Variants in WRAP53 observed in about 807,000 individuals in gnomAD.
The protein encoded by WRAP53 is telomerase Cajal body protein 1.
In WRAP53, 28 loss-of-function variants were observed where a neutral mutation model predicts 56.6. That is an observed-to-expected ratio of 0.50 (90% CI 0.37 to 0.68). The LOEUF is 0.68. Ranked by LOEUF, WRAP53 falls within the 30% of genes least tolerant of loss-of-function variation. The pLI is 0.00. For synonymous variants in WRAP53, 283 were observed against 283.4 expected (o/e 1.00, Z 0.01); for missense variants, 671 against 715.5 (o/e 0.94, Z 0.71).
At chr17:7,699,876 A>G (rs1026561441) in intron 4 of WRAP53, among the ~76,000 whole-genome samples, 3 of 151,326 alleles carry the variant, frequency 2.0e-5, no homozygotes, top group African/African-American at 7.3e-5. Flanking sequence ...CTGGGACTAC[A>G]GGCATGCACT....
At position 7,702,645 on chromosome 17, in the gene WRAP53, G is replaced by A; in HGVS notation, c.1164+93G>A. The A allele has an allele frequency of 6.3e-7, 1 of 1,596,764 alleles. No homozygotes were observed. The highest frequency in any genetic ancestry group is 8.5e-7 in the Non-Finnish European group (1 of 1,174,606). ...GTGTAGGGGAATGGGTGGGGATGGG[G>A]AAAAAATCCCAAGCTGAAGGAGTGC... On this transcript the variant is annotated intron_variant, in intron 8 of 10. Transcript: ENST00000396463. The surrounding 1 kb of genome is among the most constrained non-coding windows in gnomAD (Gnocchi z 5.0).
intron 4 of WRAP53, among the ~76,000 whole-genome samples, chr17:7,697,515 C>T (rs950811692): frequency 1.7e-4 from 26 of 151,842 alleles, no homozygotes; most frequent in African/African-American, 5.6e-4. Context: ...AAAAATTAGC[C>T]GGGCGTGGTG....
chr17:7,688,417 G>A, upstream of WRAP53: 1 of 574,082 alleles, frequency 1.7e-6, no homozygotes, highest in Non-Finnish European at 3.1e-6. Flanking sequence ...CCAATCGGAA[G>A]GTGGACCGAA....
intron 4 of WRAP53, among the ~76,000 whole-genome samples, chr17:7,695,187 C>T (rs2074166202): frequency 6.6e-6 from 1 of 151,978 alleles, no homozygotes; most frequent in African/African-American, 2.4e-5. Context: ...GATCTCCTGA[C>T]CTCGTGATCC....
chr17:7,699,522 TTATATATATA>T (rs1203888377), intron 4 of WRAP53, among the ~76,000 whole-genome samples: 1 of 14,110 alleles, frequency 7.1e-5, no homozygotes, highest in Non-Finnish European at 1.2e-4. Flanking sequence ...ATATATATAT[TTATATATATA>T]TATATATTCC....
At chr17:7,697,864 T>A (rs1418770332) in intron 4 of WRAP53, among the ~76,000 whole-genome samples, 4 of 136,718 alleles carry the variant, frequency 2.9e-5, no homozygotes, top group African/African-American at 1.3e-4. Context: ...TAAAGAACAA[T>A]AGACACTTTT....
chr17:7,702,019 T>G lies in WRAP53; in HGVS notation c.955+230T>G. The G allele has an allele frequency of 1.3e-6, 1 of 763,102 alleles. No individual in the cohort carries two copies. The highest frequency in any genetic ancestry group is 2.7e-5 in the East Asian group (1 of 37,410). 47.3% of individuals were successfully genotyped at this position (763,102 alleles called of 1,614,324 possible). A position where few individuals can be genotyped will look rare whatever the true frequency, so the allele number is the denominator to read the frequency against. ...CTGCTTCCTTCCTGAACTCATACCC[T>G]GTCAGCTGTGGAGCTTTTGGTCTCT... On this transcript the variant is annotated intron_variant, in intron 7 of 10. Transcript: ENST00000396463. This position sits in a 1 kb window ranked among gnomAD's most constrained non-coding sequence, Gnocchi z 5.0.
At chr17:7,691,123 C>T (rs1194345941) in intron 4 of WRAP53, among the ~76,000 whole-genome samples, 2 of 151,772 alleles carry the variant, frequency 1.3e-5, no homozygotes, top group Admixed American at 6.6e-5. Context: ...GCAGAAGAAT[C>T]ATTTGAACCC....
chr17:7,690,908 T>C (rs2074098703), intron 4 of WRAP53, among the ~76,000 whole-genome samples: 1 of 150,828 alleles, frequency 6.6e-6, no homozygotes, highest in East Asian at 2.0e-4. Flanking sequence ...TGAGACTCCA[T>C]CTCAAAAAAC....
intron 4 of WRAP53, among the ~76,000 whole-genome samples, chr17:7,691,951 C>T (rs1189319019): frequency 6.6e-6 from 1 of 152,094 alleles, no homozygotes; most frequent in African/African-American, 2.4e-5. Context: ...ATTCTCCTGC[C>T]TCAACCTTCC....
At chr17:7,698,158 A>G (rs1567576333) in intron 4 of WRAP53, among the ~76,000 whole-genome samples, 1 of 152,218 alleles carries the variant, frequency 6.6e-6, no homozygotes, top group Admixed American at 6.5e-5. Context: ...ACATTATAGT[A>G]TCTTACAAAG....
chr17:7,687,287 C>G (rs917317788), upstream of WRAP53: 17 of 398,494 alleles, frequency 4.3e-5, no homozygotes, highest in Middle Eastern at 6.2e-4. Flanking sequence ...TGCCCCACCC[C>G]CAGCCCCAGC....
At chr17:7,687,409 AG>A (rs1386178070), upstream of WRAP53, 4 of 398,532 alleles carry the variant, frequency 1.0e-5, no homozygotes, top group Admixed American at 1.8e-4. Context: ...CGTCGTGGAA[AG>A]CACGCTCCCA....
At position 7,703,403 on chromosome 17, in the gene WRAP53, G is replaced by T. The variant is rs769202794; in HGVS notation, c.1564G>T (p.Ala522Ser). 2.5e-6 allele frequency: 4 copies of T among 1,611,918 alleles called. No individual in the cohort carries two copies. The highest frequency in any genetic ancestry group is 2.2e-5 in the East Asian group (1 of 44,626). The change falls in exon 11 of 11, where the codon GCG (alanine) becomes TCG (serine). Residue 522 changes from alanine to serine, a missense_variant. Transcript: ENST00000396463. Reference protein sequence around the residue: ...CRLQLWWCGGAPDSSIPDDHQ... With the variant: ...CRLQLWWCGGSPDSSIPDDHQ... ...GCTTCAGCTCTGGTGGTGTGGGGGG[G>T]CGCCAGACTCCAGCATCCCTGATGA...
intron 4 of WRAP53, among the ~76,000 whole-genome samples, chr17:7,699,502 T>TATATATTTATA (rs1567577549): frequency 8.5e-5 from 1 of 11,762 alleles, no homozygotes; most frequent in Non-Finnish European, 1.3e-4. Flanking sequence ...ATATATATAT[T>TATATATTTATA]TATATATATA....
Position 7,689,002 on chromosome 17 carries a change from G to C in WRAP53, c.354G>C (p.Ala118=). 1.9e-6 allele frequency: 3 copies of C among 1,614,126 alleles called. No individual in the cohort carries two copies. The highest frequency in any genetic ancestry group is 2.5e-6 in the Non-Finnish European group (3 of 1,180,028). ...EANGSLSEEE[A]NGPELGSGKA... ...ACGGGAGCCTTTCTGAAGAAGAAGC[G>C]AACGGGCCAGAGTTGGGGTCTGGAA... is the stretch of plus-strand genomic sequence containing the variant. Residue 118 remains alanine (A), a synonymous_variant, in exon 2 of 11, where the codon GCG becomes GCC. Transcript: ENST00000396463.
At position 7,703,005 on chromosome 17, in the gene WRAP53, C is replaced by G. The variant is rs761911830; in HGVS notation, c.1281C>G (p.Phe427Leu). Reference sequence around the variant, plus strand: ...CTCTCTCTCGCAGGACCGGGCAGTTCCTAGTGAGTGGCAGCACGAGCGGGG... The same window carrying G: ...CTCTCTCTCGCAGGACCGGGCAGTTGCTAGTGAGTGGCAGCACGAGCGGGG... The part of the protein sequence containing the change: ...IYFDLDPTGQ[F>L]LVSGSTSGAV... Residue 427 changes from phenylalanine to leucine, a missense_variant, in exon 10 of 11, where the codon TTC (phenylalanine) becomes TTG (leucine). Phe to Leu is a conservative substitution (Grantham distance 22). Around this residue, in one of 3 missense-constraint regions of WRAP53, gnomAD observed 158 missense variants for 215.7 expected, o/e 0.73. Transcript: ENST00000396463. The G allele has an allele frequency of 1.2e-6, 2 of 1,613,976 alleles. No individual in the cohort carries two copies.
chr17:7,695,219 TG>T (rs1448081160), intron 4 of WRAP53, among the ~76,000 whole-genome samples: 1 of 152,156 alleles, frequency 6.6e-6, no homozygotes, highest in Non-Finnish European at 1.5e-5. Flanking sequence ...CCTCTCAAAG[TG>T]CTGGGATTAC....
Position 7,701,495 on chromosome 17 carries a change from C to G in WRAP53, c.768C>G (p.Ile256Met), listed in dbSNP as rs1409807134. Residue 256 changes from isoleucine to methionine, a missense_variant, in exon 6 of 11, where the codon ATC becomes ATG. Ile to Met is a conservative substitution (Grantham distance 10). Around this residue, in one of 3 missense-constraint regions of WRAP53, gnomAD observed 406 missense variants for 418.5 expected, o/e 0.97. Coordinates refer to ENST00000396463, the MANE Select transcript of WRAP53 (RefSeq NM_001143992.2). The surrounding 1 kb of genome is among the most constrained non-coding windows in gnomAD (Gnocchi z 4.2). Reference sequence around the variant, plus strand: ...GCAGCCGGGAGAACCCGATTCATATCTGGGACGCATTCACTGGAGAGCTCC... The same window carrying G: ...GCAGCCGGGAGAACCCGATTCATATGTGGGACGCATTCACTGGAGAGCTCC... ...ASSSRENPIH[I>M]WDAFTGELRA... 6.2e-6 allele frequency: 10 copies of G among 1,614,258 alleles called. No individual in the cohort carries two copies. In the Middle Eastern group the frequency reaches 1.2e-3, roughly 186 times the overall value.
Sources: gnomAD v4.1 joint callset for allele counts (sites outside exome capture counted in the v4.1 genomes callset) on GRCh38, gnomAD v4.1.1 for gene constraint, gnomAD v4.1.1 regional missense constraint, Gnocchi (gnomAD v3.1) non-coding constraint, MANE v1.5 for transcripts, NCBI Gene and HGNC (gene_info 2026-07-23, HGNC 2026-07-21) for gene names.